Variants in MUC20 observed in about 807,000 individuals in gnomAD.
MUC20 encodes the protein mucin 20, cell surface associated.
A neutral mutation model predicts 23.8 loss-of-function variants in MUC20; 14 were observed. That is an observed-to-expected ratio of 0.59 (90% CI 0.39 to 0.92). MUC20 has a LOEUF of 0.92. Ranked by LOEUF, MUC20 falls within the 40% of genes least tolerant of loss-of-function variation. The pLI is 0.00. For synonymous variants in MUC20, 166 were observed against 279.3 expected (o/e 0.59, Z 4.04); for missense variants, 375 against 668.8 (o/e 0.56, Z 4.85).
rs776837792 is a variant in MUC20, at chr3:195,726,420, C to G, written c.1817C>G (p.Pro606Arg). 1.8e-5 allele frequency: 29 copies of G among 1,614,038 alleles called. No homozygotes were observed. The highest frequency in any genetic ancestry group is 2.4e-5 in the Non-Finnish European group (28 of 1,179,890). Reference sequence around the variant, plus strand: ...GGGCCCTTCCCCACCAGCAGGGACCCTCTTCCTTCTGTCCCTCCGACTACA... The same window carrying G: ...GGGCCCTTCCCCACCAGCAGGGACCGTCTTCCTTCTGTCCCTCCGACTACA... ...TKGPFPTSRDPLPSVPPTTTN... is the reference protein window; with the variant it reads ...TKGPFPTSRDRLPSVPPTTTN... Residue 606 changes from proline (P) to arginine (R), a missense_variant, in exon 2 of 4, where the codon CCT (proline) becomes CGT (arginine). By Grantham distance (103) the Pro-to-Arg change is moderately radical. This residue lies in a region of MUC20 where 343 missense variants were observed against 340.2 expected (regional missense o/e 1.01). Transcript: ENST00000447234.
intron 3 of MUC20, chr3:195,730,010 C>G (rs1317966118): frequency 2.1e-6 from 1 of 482,986 alleles, no homozygotes; most frequent in Non-Finnish European, 3.7e-6. Context: ...GGCCTTCTGG[C>G]CTCTGAGGCA....
chr3:195,729,777 G>A (rs768909264), intron 3 of MUC20, 38 bp downstream of exon 3: 1 of 1,557,650 alleles, frequency 6.4e-7, no homozygotes, highest in Non-Finnish European at 8.7e-7. Flanking sequence ...AGTAGAGGAA[G>A]GGGCGAGGTT....
chr3:195,731,883 G>A (rs750806966), intron 3 of MUC20, among the ~76,000 whole-genome samples: 4 of 152,244 alleles, frequency 2.6e-5, no homozygotes, highest in African/African-American at 4.8e-5. Flanking sequence ...ACGGGGGCTC[G>A]ACACCCGATG....
chr3:195,730,042 A>T (rs1713208170), intron 3 of MUC20: 1 of 213,238 alleles, frequency 4.7e-6, no homozygotes, highest in Non-Finnish European at 8.6e-6. Flanking sequence ...TACTGATGGG[A>T]GGGTAGGTCG....
intron 2 of MUC20, among the ~76,000 whole-genome samples, chr3:195,727,173 G>A (rs1312643494): frequency 1.3e-5 from 2 of 152,256 alleles, no homozygotes; most frequent in Non-Finnish European, 2.9e-5. Flanking sequence ...GCAGAGGCCG[G>A]CGGATCACCT....
intron 1 of MUC20, among the ~76,000 whole-genome samples, 164 bp downstream of exon 1, chr3:195,721,247 G>A (rs1335902267): frequency 1.4e-5 from 2 of 139,150 alleles, no homozygotes; most frequent in South Asian, 2.2e-4. Flanking sequence ...TAAAGAGTGT[G>A]CAAATGACAG....
Position 195,729,631 on chromosome 3 carries a change from C to G in MUC20, c.1970-17C>G. 1 of 1,563,638 alleles carries G rather than the reference C, an allele frequency of 6.4e-7. No individual in the cohort carries two copies. On this transcript the variant is annotated splice_polypyrimidine_tract_variant and intron_variant, in intron 2 of 3. Coordinates refer to ENST00000447234, the MANE Select transcript of MUC20 (RefSeq NM_001282506.2). ...GCGCCCAGCCCTGATTTTCATCTTA[C>G]TGTTCTCCATTTGCAGGTGAAAATG...
Position 195,725,992 on chromosome 3 carries a change from C to G in MUC20, c.1389C>G (p.Asp463Glu), listed in dbSNP as rs1712589326. 1.9e-6 allele frequency: 3 copies of G among 1,613,894 alleles called. No homozygotes were observed. The highest frequency in any genetic ancestry group is 2.7e-5 in the African/African-American group (2 of 74,936). The change falls in exon 2 of 4, where the codon GAC becomes GAG. Residue 463 changes from aspartate (D) to glutamate (E), a missense_variant. Asp to Glu is a conservative substitution (Grantham distance 45). Transcript: ENST00000447234. Reference protein sequence around the residue: ...SSTSDPPALPDSTEAKPHITE... With the variant: ...SSTSDPPALPESTEAKPHITE... Reference sequence around the variant, plus strand: ...CCTCCGATCCACCAGCTCTGCCTGACTCCACTGAAGCAAAACCACACATCA... The same window carrying G: ...CCTCCGATCCACCAGCTCTGCCTGAGTCCACTGAAGCAAAACCACACATCA...
chr3:195,732,880 G>A (rs1244153451), intron 3 of MUC20, among the ~76,000 whole-genome samples: 2 of 152,268 alleles, frequency 1.3e-5, no homozygotes, highest in Non-Finnish European at 2.9e-5. Flanking sequence ...GTGAATTCTA[G>A]TTCCCAACTG....
chr3:195,729,314 C>CTTTTTTTTTTTTTTTTTTTTTTTT (rs10575022), intron 2 of MUC20: 1 of 169,920 alleles, frequency 5.9e-6, no homozygotes, highest in Admixed American at 6.8e-5. Flanking sequence ...TCATCCTCCT[C>CTTTTTTTTTTTTTTTTTTTTTTTT]TTTTTTTTTT....
chr3:195,727,935 C>A (rs1712883020), intron 2 of MUC20, among the ~76,000 whole-genome samples: 1 of 145,112 alleles, frequency 6.9e-6, no homozygotes, highest in Admixed American at 6.7e-5. Flanking sequence ...TATCTGATGC[C>A]AGGCAGTGTG....
At chr3:195,729,370 G>T in intron 2 of MUC20, 4 of 319,782 alleles carry the variant, frequency 1.3e-5, no homozygotes, top group East Asian at 6.3e-5. Flanking sequence ...AGGTTGGAGT[G>T]TAGTGCTGCG....
chr3:195,726,400 CT>C lies in MUC20; in HGVS notation c.1799del (p.Phe600SerfsTer26). The C allele has an allele frequency of 6.2e-7, 1 of 1,614,082 alleles. No individual in the cohort carries two copies. Among genetic ancestry groups the C allele is most frequent in the Admixed American group, 1.7e-5 (1 of 60,036 alleles). ...PTMDIATKGP[F>X]PTSRDPLPSV... ...CCATGGACATCGCAACCAAGGGGCC[CT>C]TCCCCACCAGCAGGGACCCTCTTCC... On this transcript the variant is annotated frameshift_variant, in exon 2 of 4. Coordinates refer to ENST00000447234, the MANE Select transcript of MUC20 (RefSeq NM_001282506.2). LOFTEE classifies it high-confidence loss of function.
intron 3 of MUC20, among the ~76,000 whole-genome samples, chr3:195,732,136 T>C (rs1169051658): frequency 6.6e-6 from 1 of 152,120 alleles, no homozygotes; most frequent in East Asian, 1.9e-4. Flanking sequence ...TCTGAGTAGC[T>C]GGGATTACAG....
At chr3:195,732,908 T>C in intron 3 of MUC20, among the ~76,000 whole-genome samples, 2 of 152,378 alleles carry the variant, frequency 1.3e-5, no homozygotes, top group African/African-American at 4.8e-5. Context: ...TTGGATAAGT[T>C]ATTCTATGCG....
intron 2 of MUC20, among the ~76,000 whole-genome samples, chr3:195,727,828 A>G (rs1489637001): frequency 7.1e-6 from 1 of 140,778 alleles, no homozygotes; most frequent in Non-Finnish European, 1.5e-5. Context: ...GCAGTGTGCC[A>G]CCGGCTTTGC....
chr3:195,731,169 A>G (rs1319871694), intron 3 of MUC20, among the ~76,000 whole-genome samples: 3 of 152,198 alleles, frequency 2.0e-5, no homozygotes, highest in Admixed American at 1.3e-4. Flanking sequence ...TCTCACAGTC[A>G]ATGGGACAGT....
In MUC20 at chr3:195,729,755, C is replaced by A; in HGVS notation, c.2061+16C>A. 2 of 1,581,858 alleles carry A rather than the reference C, an allele frequency of 1.3e-6. No homozygotes were observed. The highest frequency in any genetic ancestry group is 1.7e-6 in the Non-Finnish European group (2 of 1,162,894). ...GATGCAGCAGGTGAGTGGGCACTTT[C>A]CGGGCCAGGGGAGTAGAGGAAGGGG... is the stretch of plus-strand genomic sequence containing the variant. On this transcript the variant is annotated intron_variant, in intron 3 of 3. Coordinates refer to ENST00000447234, the MANE Select transcript of MUC20 (RefSeq NM_001282506.2).
At chr3:195,731,389 G>A (rs1432797542) in intron 3 of MUC20, among the ~76,000 whole-genome samples, 1 of 152,252 alleles carries the variant, frequency 6.6e-6, no homozygotes, top group African/African-American at 2.4e-5. Flanking sequence ...AGATATGTCC[G>A]TGGAGAGTGG....
Sources: gnomAD v4.1 joint callset for allele counts (sites outside exome capture counted in the v4.1 genomes callset) on GRCh38, gnomAD v4.1.1 for gene constraint, gnomAD v4.1.1 regional missense constraint, MANE v1.5 for transcripts, NCBI Gene and HGNC (gene_info 2026-07-23, HGNC 2026-07-21) for gene names.